The following MGLL variants were observed in gnomAD, a reference collection of about 807,000 sequenced individuals.
MGLL encodes the protein lysophospholipase homolog.
In MGLL, 7 loss-of-function variants were observed where a neutral mutation model predicts 29.1. That is an observed-to-expected ratio of 0.24 (90% CI 0.14 to 0.45). The LOEUF is 0.45. Ranked by LOEUF, MGLL falls within the 20% of genes least tolerant of loss-of-function variation. The pLI is 0.99. For missense variants in MGLL, 356 were observed against 413.6 expected (o/e 0.86, Z 1.21); for synonymous variants, 148 against 168.3 (o/e 0.88, Z 0.93).
chr3:127,742,780 T>C (rs115638352), intron 3 of MGLL, among the ~76,000 whole-genome samples: 2 of 152,132 alleles, frequency 1.3e-5, no homozygotes, highest in Non-Finnish European at 2.9e-5. Context: ...TAATCTGGGC[T>C]GTCAGCCCAC....
chr3:127,730,404 A>C (rs998660486), intron 3 of MGLL, among the ~76,000 whole-genome samples: 4 of 152,112 alleles, frequency 2.6e-5, no homozygotes, highest in Admixed American at 2.0e-4. Context: ...TCTGAGCCAC[A>C]TGCACACCCA....
At chr3:127,764,975 C>T (rs1006364886) in intron 3 of MGLL, among the ~76,000 whole-genome samples, 7 of 152,140 alleles carry the variant, frequency 4.6e-5, no homozygotes, top group African/African-American at 9.7e-5. Flanking sequence ...GTAACTTGCC[C>T]AGAGTCACAT....
chr3:127,818,378 C>CT (rs112476702), intron 2 of MGLL, among the ~76,000 whole-genome samples: 3,318 of 141,698 alleles, frequency 0.023, 100 homozygotes, highest in East Asian at 0.092. Context: ...TATCTCTAAT[C>CT]TTTTTTTTTT....
Position 127,723,511 on chromosome 3 carries a change from C to A in MGLL, c.263-945G>T, listed in dbSNP as rs201021587. Among the ~76,000 whole-genome samples the A allele has an allele frequency of 7.2e-4, 109 of 152,268 alleles. 2 individuals carry two copies. In the East Asian group the frequency reaches 0.021, roughly 29 times the overall value. On this transcript the variant is annotated intron_variant, in intron 3 of 7. Coordinates refer to ENST00000265052, the MANE Select transcript of MGLL (RefSeq NM_007283.7). Reference sequence around the variant, plus strand: ...CTCCTGCTGTCAGGCCCCAAGCTCCCGTGTTTCCCACTGGCCCTTCCCCCA... The same window carrying A: ...CTCCTGCTGTCAGGCCCCAAGCTCCAGTGTTTCCCACTGGCCCTTCCCCCA...
intron 3 of MGLL, among the ~76,000 whole-genome samples, chr3:127,759,790 G>A (rs1030466822): frequency 1.6e-4 from 24 of 152,312 alleles, no homozygotes; most frequent in African/African-American, 5.8e-4. Flanking sequence ...CCTTGGAATC[G>A]GTCCCTTTGG....
At position 127,792,248 on chromosome 3, in the gene MGLL, G is replaced by C. The variant is rs571083555; in HGVS notation, c.156-10353C>G. Among the ~76,000 whole-genome samples the C allele has an allele frequency of 1.7e-4, 26 of 152,262 alleles. No individual in the cohort carries two copies. In the Middle Eastern group the frequency reaches 0.017, roughly 100 times the overall value. On this transcript the variant is annotated intron_variant, in intron 2 of 7. Transcript: ENST00000265052. ...GCCCAGACCAAGACTACAGCCAAAAGTCCATTGCTGTGGTCCACACATGCA... is the reference window on the plus strand; with the variant it reads ...GCCCAGACCAAGACTACAGCCAAAACTCCATTGCTGTGGTCCACACATGCA...
rs146391150 is a variant in MGLL, at chr3:127,759,207, G to C, written c.262+22582C>G. Reference sequence around the variant, plus strand: ...CCCAAAGTGCTGGGATTACAGGCGTGAGCCACTGCGCCCGGCCCTGGCAGC... The same window carrying C: ...CCCAAAGTGCTGGGATTACAGGCGTCAGCCACTGCGCCCGGCCCTGGCAGC... On this transcript the variant is annotated intron_variant, in intron 3 of 7. Transcript: ENST00000265052. Among the ~76,000 whole-genome samples, 464 of 152,286 alleles carry C rather than the reference G, an allele frequency of 3.0e-3. 28 individuals carry two copies. In the East Asian group the frequency reaches 0.075, roughly 25 times the overall value.
intron 3 of MGLL, among the ~76,000 whole-genome samples, chr3:127,762,377 A>G (rs1015470936): frequency 4.6e-5 from 7 of 152,320 alleles, no homozygotes; most frequent in Non-Finnish European, 1.0e-4. Flanking sequence ...TCAGCTCACA[A>G]GACAGACTCT....
Position 127,761,729 on chromosome 3 carries a change from C to T in MGLL, c.262+20060G>A, listed in dbSNP as rs2076768598. On this transcript the variant is annotated intron_variant, in intron 3 of 7. Coordinates refer to ENST00000265052, the MANE Select transcript of MGLL (RefSeq NM_007283.7). The surrounding 1 kb of genome is among the most constrained non-coding windows in gnomAD (Gnocchi z 4.6). Reference sequence around the variant, plus strand: ...GGACTGCCACGCAGGCTGCCTCCCTCCTGGCACGTTCGGCTCCTCGCTTCA... The same window carrying T: ...GGACTGCCACGCAGGCTGCCTCCCTTCTGGCACGTTCGGCTCCTCGCTTCA... Among the ~76,000 whole-genome samples, 1 of 152,242 alleles carries T rather than the reference C, an allele frequency of 6.6e-6. No individual in the cohort carries two copies. The highest frequency in any genetic ancestry group is 1.5e-5 in the Non-Finnish European group (1 of 68,040).
rs530761867 is a variant in MGLL, at chr3:127,781,650, A to C, written c.262+139T>G. 3.6e-6 allele frequency: 3 copies of C among 840,092 alleles called. No homozygotes were observed. The African/African-American group carries it at 5.0e-5, about 14-fold the overall frequency. The allele number at this position is 840,092 out of a possible 1,614,324, so 52.0% of individuals were successfully genotyped here. On this transcript the variant is annotated intron_variant, in intron 3 of 7. Transcript: ENST00000265052. ...TCAGACATTTTTTTTGTTTGTTTGC[A>C]TAACTACATTTTTTTACTTTGAAAC...
intron 3 of MGLL, among the ~76,000 whole-genome samples, chr3:127,742,589 CAAAAAAAAAAAA>C (rs60743176): frequency 1.4e-5 from 1 of 70,494 alleles, no homozygotes; most frequent in African/African-American, 6.1e-5. Flanking sequence ...GACTCCGTCC[CAAAAAAAAAAAA>C]AAAAAAAAAA....
chr3:127,805,307 C>T (rs919477021), intron 2 of MGLL, among the ~76,000 whole-genome samples: 4 of 152,054 alleles, frequency 2.6e-5, no homozygotes, highest in South Asian at 2.1e-4. Flanking sequence ...AGAGGTGAGA[C>T]GAGCATTGAG....
chr3:127,781,815 T>C lies in MGLL; in HGVS notation c.236A>G (p.Asp79Gly). 1 of 1,614,016 alleles carries C rather than the reference T, an allele frequency of 6.2e-7. No homozygotes were observed. The highest frequency in any genetic ancestry group is 8.5e-7 in the Non-Finnish European group (1 of 1,180,012). The change falls in exon 3 of 8, where the codon GAC (aspartate) becomes GGC (glycine). Residue 79 changes from aspartate to glycine, a missense_variant. Physicochemically the swap from Asp to Gly is moderately conservative, Grantham distance 94. Transcript: ENST00000265052. ...EELARMLMGLDLLVFAHDHVG... is the reference protein window; with the variant it reads ...EELARMLMGLGLLVFAHDHVG... Reference sequence around the variant, plus strand: ...ATGGTCGTGGGCGAACACCAGCAGGTCCAGCCCCATCAGCATCCGAGCCAG... The same window carrying C: ...ATGGTCGTGGGCGAACACCAGCAGGCCCAGCCCCATCAGCATCCGAGCCAG...
intron 4 of MGLL, among the ~76,000 whole-genome samples, chr3:127,722,021 C>T (rs1272024380): frequency 6.6e-6 from 1 of 152,128 alleles, no homozygotes; most frequent in Non-Finnish European, 1.5e-5. Context: ...CCATGTGGAC[C>T]CTCTGTCCCT....
At chr3:127,698,438 A>C (rs2075414060) in intron 6 of MGLL, among the ~76,000 whole-genome samples, 1 of 152,224 alleles carries the variant, frequency 6.6e-6, no homozygotes, top group African/African-American at 2.4e-5. Flanking sequence ...AACCAGGCCC[A>C]AGCCCAGAAC....
chr3:127,805,605 G>A (rs1023011869), intron 2 of MGLL, among the ~76,000 whole-genome samples: 4 of 152,212 alleles, frequency 2.6e-5, no homozygotes, highest in African/African-American at 7.2e-5. Flanking sequence ...TGAGGGTTAC[G>A]TAGCATCTGT....
At chr3:127,737,155 G>T (rs993193758) in intron 3 of MGLL, among the ~76,000 whole-genome samples, 1 of 152,048 alleles carries the variant, frequency 6.6e-6, no homozygotes, top group East Asian at 2.0e-4. Flanking sequence ...GGGCCACTTT[G>T]GTCTGTAGCC....
intron 2 of MGLL, among the ~76,000 whole-genome samples, chr3:127,804,066 G>T (rs1235533556): frequency 2.0e-5 from 3 of 152,096 alleles, no homozygotes; most frequent in African/African-American, 7.2e-5. Context: ...AAGTAAAAAA[G>T]AAAGTTGATT....
chr3:127,756,960 C>T (rs1015418109), intron 3 of MGLL, among the ~76,000 whole-genome samples: 34 of 152,134 alleles, frequency 2.2e-4, no homozygotes, highest in African/African-American at 8.2e-4. Flanking sequence ...CCCTTCAGGT[C>T]CTCCCACCAG....
Sources: allele counts gnomAD v4.1 joint callset (sites outside exome capture counted in the v4.1 genomes callset), GRCh38; gene constraint gnomAD v4.1.1; non-coding constraint Gnocchi (gnomAD v3.1); transcripts MANE v1.5; gene names NCBI Gene and HGNC (gene_info 2026-07-23, HGNC 2026-07-21).